Variants in CAPZB observed in about 807,000 individuals in gnomAD.
CAPZB encodes F-actin-capping protein subunit beta.
In CAPZB, 2 loss-of-function variants were observed where a neutral mutation model predicts 38.1. The observed-to-expected ratio is 0.05, with a 90% CI of 0.02 to 0.17. The LOEUF is 0.17. CAPZB is among the 10% of genes least tolerant of loss of function. The pLI is 1.00. For synonymous variants in CAPZB, 107 were observed against 127.4 expected (o/e 0.84, Z 1.08); for missense variants, 161 against 334.2 (o/e 0.48, Z 4.04).
At chr1:19,378,010 G>C (rs61766712) in intron 4 of CAPZB, among the ~76,000 whole-genome samples, 18,002 of 152,244 alleles carry the variant, frequency 0.12, 2,365 homozygotes, top group African/African-American at 0.32. Context: ...CAGGTCAGAA[G>C]TGAGCGTGTG....
intron 8 of CAPZB, among the ~76,000 whole-genome samples, chr1:19,342,162 C>A (rs969308893): frequency 1.3e-5 from 2 of 152,202 alleles, no homozygotes; most frequent in Non-Finnish European, 2.9e-5. Flanking sequence ...TGGTTGTGGC[C>A]GAGTCGGCAC....
intron 1 of CAPZB, among the ~76,000 whole-genome samples, chr1:19,445,810 A>C (rs542083262): frequency 2.4e-4 from 37 of 152,352 alleles, no homozygotes; most frequent in Non-Finnish European, 4.4e-4. Context: ...TTTCCTAAAA[A>C]TGTACAAAAC....
chr1:19,421,002 G>T (rs3829833), intron 1 of CAPZB, among the ~76,000 whole-genome samples: 111,609 of 152,020 alleles, frequency 0.73, 41,122 homozygotes, highest in East Asian at 0.85. Context: ...CCAGGTACAA[G>T]GGTGAAGACC....
At chr1:19,385,385 A>C (rs2094198554) in intron 3 of CAPZB, 120 bp downstream of exon 3, 3 of 1,107,088 alleles carry the variant, frequency 2.7e-6, no homozygotes, top group African/African-American at 1.6e-5. Flanking sequence ...GAACAAACGG[A>C]AGGAAAGCTG....
chr1:19,355,793 G>A (rs1042386204), intron 6 of CAPZB, among the ~76,000 whole-genome samples: 8 of 152,158 alleles, frequency 5.3e-5, no homozygotes, highest in African/African-American at 1.2e-4. Flanking sequence ...CCCCCTTTAC[G>A]CCAAGCATCT....
At chr1:19,414,797 T>C (rs1423059334) in intron 2 of CAPZB, among the ~76,000 whole-genome samples, 3 of 152,194 alleles carry the variant, frequency 2.0e-5, no homozygotes, top group East Asian at 1.9e-4. Flanking sequence ...TCACATCATA[T>C]GATTCTTGGC....
At chr1:19,428,938 T>A (rs1418378925) in intron 1 of CAPZB, among the ~76,000 whole-genome samples, 2 of 152,166 alleles carry the variant, frequency 1.3e-5, no homozygotes, top group Non-Finnish European at 2.9e-5. Context: ...TACCCCATTA[T>A]TTTCGAGGAC....
At chr1:19,398,183 C>T (rs999627429) in intron 2 of CAPZB, among the ~76,000 whole-genome samples, 7 of 152,140 alleles carry the variant, frequency 4.6e-5, no homozygotes, top group African/African-American at 1.7e-4. Context: ...TGAGGAACTC[C>T]GTGACCTCCA....
At chr1:19,435,589 T>C (rs955715508) in intron 1 of CAPZB, among the ~76,000 whole-genome samples, 5 of 152,222 alleles carry the variant, frequency 3.3e-5, no homozygotes, top group Non-Finnish European at 5.9e-5. Flanking sequence ...TAGCTAAAAC[T>C]TATTAAGCCA....
chr1:19,477,988 A>G (rs1198549610), intron 1 of CAPZB, among the ~76,000 whole-genome samples: 2 of 152,224 alleles, frequency 1.3e-5, no homozygotes, highest in Non-Finnish European at 2.9e-5. Flanking sequence ...TAAATAAGAT[A>G]CCGAGCCTAA....
chr1:19,453,276 T>C (rs2094522584), intron 1 of CAPZB, among the ~76,000 whole-genome samples: 2 of 152,128 alleles, frequency 1.3e-5, no homozygotes, highest in South Asian at 4.1e-4. Context: ...TGTTTTGTTT[T>C]TTTGAGTTGG....
intron 1 of CAPZB, among the ~76,000 whole-genome samples, chr1:19,442,211 C>G (rs2094479760): frequency 6.6e-6 from 1 of 152,102 alleles, no homozygotes; most frequent in South Asian, 2.1e-4. Context: ...TTTCAAAAAA[C>G]AAAAGTCAGT....
At chr1:19,362,273 GTCGC>G (rs1383874601) in intron 4 of CAPZB, among the ~76,000 whole-genome samples, 8 of 152,154 alleles carry the variant, frequency 5.3e-5, no homozygotes, top group Non-Finnish European at 1.0e-4. Context: ...GTCTCGCTCT[GTCGC>G]CCAGGCTGGA....
At chr1:19,464,475 T>C (rs2094562700) in intron 1 of CAPZB, among the ~76,000 whole-genome samples, 1 of 151,822 alleles carries the variant, frequency 6.6e-6, no homozygotes, top group African/African-American at 2.4e-5. Flanking sequence ...GTATTTCTAG[T>C]AGAGACGGGG....
chr1:19,451,158 T>C (rs2094514764), intron 1 of CAPZB, among the ~76,000 whole-genome samples: 1 of 152,236 alleles, frequency 6.6e-6, no homozygotes, highest in Admixed American at 6.5e-5. Flanking sequence ...GCTGTTGCTA[T>C]TTCGCATTAA....
At chr1:19,379,097 TTTC>T (rs1364585623) in intron 3 of CAPZB, among the ~76,000 whole-genome samples, 14 of 109,358 alleles carry the variant, frequency 1.3e-4, no homozygotes, top group East Asian at 7.9e-4. Flanking sequence ...TTTTTTTTTC[TTTC>T]TTTTTTTTTT....
chr1:19,389,108 T>A (rs10917440), intron 2 of CAPZB, among the ~76,000 whole-genome samples: 50,923 of 151,976 alleles, frequency 0.34, 8,531 homozygotes, highest in Middle Eastern at 0.4. Context: ...TCATGGGGAA[T>A]GAGAAATGTG....
At chr1:19,450,165 A>AG (rs1448052565) in intron 1 of CAPZB, among the ~76,000 whole-genome samples, 2 of 128,204 alleles carry the variant, frequency 1.6e-5, no homozygotes, top group Admixed American at 8.3e-5. Context: ...AAAAAAAAAA[A>AG]AAAAGAAAAG....
chr1:19,438,828 G>A (rs1483311836), intron 1 of CAPZB, among the ~76,000 whole-genome samples: 2 of 152,230 alleles, frequency 1.3e-5, no homozygotes, highest in South Asian at 2.1e-4. Flanking sequence ...CACCGGGGCC[G>A]GCGGGCACTG....
Sources: gnomAD v4.1 joint callset for allele counts (sites outside exome capture counted in the v4.1 genomes callset) on GRCh38, gnomAD v4.1.1 for gene constraint, MANE v1.5 for transcripts, NCBI Gene and HGNC (gene_info 2026-07-23, HGNC 2026-07-21) for gene names.